SLC47A2: variants seen among roughly 807,000 people sequenced by gnomAD.
The protein encoded by SLC47A2 is solute carrier family 47 member 2, also known as multidrug and toxin extrusion protein 2.
A neutral mutation model predicts 67.7 loss-of-function variants in SLC47A2; 52 were observed. That is an observed-to-expected ratio of 0.77 (90% confidence interval 0.61 to 0.97). SLC47A2 has a LOEUF of 0.97. Ranked by LOEUF, SLC47A2 falls within the 50% of genes least tolerant of loss-of-function variation. The pLI is 0.00. For synonymous variants in SLC47A2, 278 were observed against 292.9 expected, an observed-to-expected ratio of 0.95 and a Z score of 0.52; for missense variants, 676 against 712.3, an observed-to-expected ratio of 0.95 and a Z score of 0.58.
intron 10 of SLC47A2, chr17:19,704,764 A>C: frequency 7.2e-7 from 1 of 1,386,052 alleles, no homozygotes; most frequent in Non-Finnish European, 9.8e-7. Flanking sequence ...GGACGCTGTC[A>C]CCCAGCTCTG....
At chr17:19,716,098 G>C (rs532850247) in intron 1 of SLC47A2, 17 of 263,624 alleles carry the variant, frequency 6.4e-5, no homozygotes, top group African/African-American at 3.7e-4. Flanking sequence ...TTCCCCCTGC[G>C]AAGGTGCTGC....
chr17:19,681,291 T>C, intron 15 of SLC47A2, 76 bp downstream of exon 15: 1 of 1,248,348 alleles, frequency 8.0e-7, no homozygotes, highest in East Asian at 2.5e-5. Flanking sequence ...TCTGGGCATT[T>C]CTGGCTGAGT....
At chr17:19,703,573 A>G (rs2085846146) in intron 11 of SLC47A2, among the ~76,000 whole-genome samples, 1 of 152,200 alleles carries the variant, frequency 6.6e-6, no homozygotes, top group Admixed American at 6.5e-5. Flanking sequence ...ACTGCTTTCT[A>G]CAGGGAAGCC....
intron 13 of SLC47A2, among the ~76,000 whole-genome samples, chr17:19,691,696 G>A (rs1456338016): frequency 5.9e-5 from 9 of 152,104 alleles, no homozygotes; most frequent in African/African-American, 1.7e-4. Context: ...GCACAACAGC[G>A]TAATTATAGG....
At position 19,702,756 on chromosome 17, in the gene SLC47A2, C is replaced by T. The variant is rs1388659999; in HGVS notation, c.1095-82G>A. On this transcript the variant is annotated intron_variant, in intron 12 of 16. Transcript: ENST00000433844. ...TATCCCTTCTATTCCACACCCCACC[C>T]CCACAAGAAAAAGCTTTGGAATAGA... 4.1e-6 allele frequency: 6 copies of T among 1,460,686 alleles called. No homozygotes were observed. In the East Asian group the frequency reaches 1.4e-4, roughly 34 times the overall value. 90.5% of individuals were successfully genotyped at this position (1,460,686 alleles called of 1,614,324 possible).
intron 2 of SLC47A2, 44 bp from the exon 3 acceptor site, chr17:19,714,833 C>T (rs1208541347): frequency 1.9e-6 from 3 of 1,612,510 alleles, no homozygotes; most frequent in Non-Finnish European, 2.5e-6. Context: ...TCAGGTGAGG[C>T]CTGAAGAGAG....
intron 7 of SLC47A2, 105 bp from the exon 8 acceptor site, chr17:19,707,948 G>T: frequency 9.5e-7 from 1 of 1,056,846 alleles, no homozygotes; most frequent in Non-Finnish European, 1.4e-6. Context: ...GGGCAGGCAT[G>T]GCTCTGCTCT....
chr17:19,712,659 T>C, intron 5 of SLC47A2, 44 bp downstream of exon 5: 1 of 1,603,900 alleles, frequency 6.2e-7, no homozygotes, highest in African/African-American at 1.3e-5. Context: ...AAAGCCAGAA[T>C]TTAGGGGAAT....
At chr17:19,696,209 T>G (rs181624379) in intron 13 of SLC47A2, among the ~76,000 whole-genome samples, 1 of 150,430 alleles carries the variant, frequency 6.6e-6, no homozygotes, top group East Asian at 2.0e-4. Flanking sequence ...TCCCAGCACT[T>G]TGGGAGGCCG....
rs958966926 is a variant in SLC47A2 at position 19,678,444 on chromosome 17, A to C, written c.*242T>G. 3 of 538,960 alleles carry C rather than the reference A, an allele frequency of 5.6e-6. No individual in the cohort carries two copies. The highest frequency in any genetic ancestry group is 6.6e-6 in the Non-Finnish European group (2 of 301,548). The allele number at this position is 538,960 out of a possible 1,614,324, so 33.4% of individuals were successfully genotyped here. A position where few individuals can be genotyped will look rare whatever the true frequency, so the allele number is the denominator to read the frequency against. ...GGACTCTGACTCGTGCAGTTGGCTG[A>C]TGTCTTCTGTAGAGCAGTCCAAGTC... is the stretch of plus-strand genomic sequence containing the variant. On this transcript the variant is annotated 3_prime_UTR_variant, in exon 17 of 17. Coordinates refer to ENST00000433844, the MANE Select transcript of SLC47A2 (RefSeq NM_001099646.3).
intron 13 of SLC47A2, among the ~76,000 whole-genome samples, chr17:19,695,391 G>A (rs1309690910): frequency 2.0e-5 from 3 of 151,264 alleles, no homozygotes; most frequent in Non-Finnish European, 2.9e-5. Context: ...GGAGGCTGAG[G>A]TGGGAGAATG....
chr17:19,704,564 A>G lies in SLC47A2; in HGVS notation c.910-386T>C, dbSNP rs1597622929. ...TATTTCAGCAGAAACCACTTGTAAA[A>G]ATAAGAATCTCTAAATTGATTTTGT... is the stretch of plus-strand genomic sequence containing the variant. On this transcript the variant is annotated intron_variant, in intron 10 of 16. Coordinates refer to ENST00000433844, the MANE Select transcript of SLC47A2 (RefSeq NM_001099646.3). 2.7e-5 allele frequency: 36 copies of G among 1,333,788 alleles called. No homozygotes were observed. The East Asian group carries it at 9.3e-4, about 34-fold the overall frequency. 82.6% of individuals were successfully genotyped at this position (1,333,788 alleles called of 1,614,324 possible).
intron 13 of SLC47A2, among the ~76,000 whole-genome samples, chr17:19,700,180 G>A: frequency 6.6e-6 from 1 of 152,108 alleles, no homozygotes; most frequent in East Asian, 1.9e-4. Context: ...TGGTGGTGAT[G>A]GTTACATAAC....
intron 13 of SLC47A2, among the ~76,000 whole-genome samples, chr17:19,686,906 A>G (rs897911448): frequency 5.3e-5 from 8 of 152,256 alleles, no homozygotes; most frequent in African/African-American, 1.9e-4. Context: ...GAAGGTCAAC[A>G]TAGAAACATT....
Position 19,713,930 on chromosome 17 carries a change from TG to T in SLC47A2, c.337del (p.Gln113SerfsTer37). The T allele has an allele frequency of 6.2e-7, 1 of 1,613,504 alleles. No homozygotes were observed. Among genetic ancestry groups the T allele is most frequent in the South Asian group, 1.1e-5 (1 of 91,066 alleles). On this transcript the variant is annotated frameshift_variant, in exon 4 of 17. Coordinates refer to ENST00000433844, the MANE Select transcript of SLC47A2 (RefSeq NM_001099646.3). LOFTEE classifies it high-confidence loss of function. ...PNKKHVGVIL[Q>X]RGALVLLLCC... ...GAGGAGCAGGACCAGCGCGCCCCGC[TG>T]CAGGATCACGCCCACGTGCTTCTTG... is the stretch of plus-strand genomic sequence containing the variant.
intron 11 of SLC47A2, among the ~76,000 whole-genome samples, chr17:19,703,477 T>A (rs754880013): frequency 6.6e-6 from 1 of 152,264 alleles, no homozygotes; most frequent in Non-Finnish European, 1.5e-5. Context: ...GCCTCCGACC[T>A]GCTGAACCAA....
intron 13 of SLC47A2, among the ~76,000 whole-genome samples, chr17:19,689,825 T>G (rs2085502180): frequency 6.6e-6 from 1 of 152,194 alleles, no homozygotes; most frequent in Non-Finnish European, 1.5e-5. Flanking sequence ...GAATTAATAT[T>G]GTTAAAACGT....
In SLC47A2 at chr17:19,707,728, G is replaced by T. The variant is rs1306673071; in HGVS notation, c.727+18C>A. The T allele has an allele frequency of 6.4e-7, 1 of 1,570,098 alleles. No individual in the cohort carries two copies. The highest frequency in any genetic ancestry group is 8.6e-7 in the Non-Finnish European group (1 of 1,157,978). ...CCGCTGGCCTGCTCAGCCTCCCAGAGCAGGCCAGGCCTCCCACCTGCCCAC... is the reference window on the plus strand; with the variant it reads ...CCGCTGGCCTGCTCAGCCTCCCAGATCAGGCCAGGCCTCCCACCTGCCCAC... On this transcript the variant is annotated intron_variant, in intron 8 of 16. Coordinates refer to ENST00000433844, the MANE Select transcript of SLC47A2 (RefSeq NM_001099646.3).
chr17:19,710,792 G>A (rs1297844076), intron 5 of SLC47A2, among the ~76,000 whole-genome samples: 4 of 151,230 alleles, frequency 2.6e-5, no homozygotes, highest in Non-Finnish European at 5.9e-5. Context: ...ATAAGGAATA[G>A]GACTTACATA....
Sources: gnomAD v4.1 joint callset for allele counts (sites outside exome capture counted in the v4.1 genomes callset) on GRCh38, gnomAD v4.1.1 for gene constraint, MANE v1.5 for transcripts, NCBI Gene and HGNC (gene_info 2026-07-23, HGNC 2026-07-21) for gene names.